NBAS: variants seen among roughly 807,000 people sequenced by gnomAD.
NBAS encodes NBAS subunit of NRZ tethering complex.
NBAS carries 219 observed loss-of-function variants against 302.5 expected under a neutral mutation model. That is an observed-to-expected ratio of 0.72 (90% confidence interval 0.65 to 0.81). The LOEUF (loss-of-function observed/expected upper bound fraction) is 0.81, where lower values mean the gene tolerates loss of function less well. Among genes scored for constraint, NBAS ranks in the 30% least tolerant of loss-of-function variants. The pLI, the probability that NBAS is intolerant of heterozygous loss-of-function variation, is 0.00. For synonymous variants in NBAS, 1,118 were observed against 1,021.6 expected, an observed-to-expected ratio of 1.09 and a Z score of -1.80; for missense variants, 2,932 against 2,841.6, an observed-to-expected ratio of 1.03 and a Z score of -0.72.
At chr2:15,117,129 C>G in the NBAS span, among the ~76,000 whole-genome samples, 1 of 152,132 alleles carries the variant, frequency 6.6e-6, no homozygotes. Flanking sequence ...GTCTGACATA[C>G]CTGGCAGAGG....
chr2:14,847,242 G>A, the NBAS span, among the ~76,000 whole-genome samples: 1 of 151,852 alleles, frequency 6.6e-6, no homozygotes, highest in Non-Finnish European at 1.5e-5. Flanking sequence ...AATTAGCCGG[G>A]TGTGGTGGCA....
In NBAS at chr2:15,292,701, C is replaced by T; in HGVS notation, c.4863G>A (p.Trp1621Ter). Residue 1621 changes from tryptophan (W) to a stop codon, truncating the protein, a stop_gained, in exon 41 of 52, where the codon TGG becomes TGA. Coordinates refer to ENST00000281513, the MANE Select transcript of NBAS (RefSeq NM_015909.4). LOFTEE classifies it high-confidence loss of function. Reference protein sequence around the residue: ...RHVTRHEHEAWPEDLISLTKQ... With the variant: ...RHVTRHEHEA ...TGGTCAGTGAAATAAGGTCTTCAGG[C>T]CAGGCTTCGTGCTCATGTCGAGTCA... is the stretch of plus-strand genomic sequence containing the variant. 1.2e-6 allele frequency: 2 copies of T among 1,614,162 alleles called. No individual in the cohort carries two copies. The highest frequency in any genetic ancestry group is 2.2e-5 in the South Asian group (2 of 91,064).
At chr2:14,907,981 A>ACCAGCAT in the NBAS span, among the ~76,000 whole-genome samples, 1 of 152,170 alleles carries the variant, frequency 6.6e-6, no homozygotes, top group East Asian at 1.9e-4. Context: ...AATCAGCATC[A>ACCAGCAT]CCAGCATCAC....
chr2:15,139,498 T>C, the NBAS span, among the ~76,000 whole-genome samples: 4 of 151,572 alleles, frequency 2.6e-5, no homozygotes, highest in African/African-American at 9.7e-5. Context: ...GGTTTTAGTG[T>C]ATGGTGTGTG....
chr2:15,434,156 C>G (rs1677896488), intron 21 of NBAS, among the ~76,000 whole-genome samples: 1 of 151,646 alleles, frequency 6.6e-6, no homozygotes, highest in Non-Finnish European at 1.5e-5. Context: ...AATAACTTCC[C>G]AAAAAAGTCA....
the NBAS span, among the ~76,000 whole-genome samples, chr2:15,016,475 C>T: frequency 1.3e-5 from 2 of 151,858 alleles, no homozygotes. Flanking sequence ...ATTGAAGAGA[C>T]TATAAAAGAA....
chr2:15,166,311 C>A (rs973463733), downstream of NBAS, among the ~76,000 whole-genome samples: 1 of 152,150 alleles, frequency 6.6e-6, no homozygotes, highest in Non-Finnish European at 1.5e-5. Flanking sequence ...TGCCTATGTA[C>A]GTTTATGGAC....
chr2:15,189,775 A>C (rs1572419580), intron 49 of NBAS, among the ~76,000 whole-genome samples: 1 of 152,176 alleles, frequency 6.6e-6, no homozygotes, highest in East Asian at 1.9e-4. Flanking sequence ...GTGAAGCCTG[A>C]AGTTGTTTAA....
At chr2:15,193,950 A>C (rs568645932) in intron 48 of NBAS, among the ~76,000 whole-genome samples, 1 of 152,150 alleles carries the variant, frequency 6.6e-6, no homozygotes, top group Non-Finnish European at 1.5e-5. Flanking sequence ...ACTAGCCTGG[A>C]GTTGCAAGCC....
chr2:15,401,942 G>T (rs1322264240), intron 26 of NBAS, among the ~76,000 whole-genome samples: 1 of 151,980 alleles, frequency 6.6e-6, no homozygotes, highest in Non-Finnish European at 1.5e-5. Flanking sequence ...ACAAAATTCA[G>T]AATTTAATTA....
chr2:15,293,603 C>T (rs565066320), intron 40 of NBAS, among the ~76,000 whole-genome samples: 120 of 151,954 alleles, frequency 7.9e-4, no homozygotes, highest in Non-Finnish European at 1.4e-3. Flanking sequence ...TTCAATCCAT[C>T]CCAATTCCTG....
At chr2:15,514,007 G>C (rs1041070491) in intron 9 of NBAS, among the ~76,000 whole-genome samples, 24 of 152,102 alleles carry the variant, frequency 1.6e-4, no homozygotes, top group African/African-American at 5.6e-4. Flanking sequence ...AGGCAGGGGA[G>C]AACACAGTCT....
At chr2:14,922,247 C>T in the NBAS span, among the ~76,000 whole-genome samples, 37 of 152,242 alleles carry the variant, frequency 2.4e-4, no homozygotes, top group African/African-American at 8.9e-4. Flanking sequence ...ACTGGCTTTC[C>T]CATCTGTAAG....
chr2:14,934,884 G>A, the NBAS span, among the ~76,000 whole-genome samples: 1 of 152,156 alleles, frequency 6.6e-6, no homozygotes, highest in Admixed American at 6.5e-5. Flanking sequence ...CAAAGCTGCT[G>A]ACAGAAACAA....
At chr2:15,186,653 C>T in intron 50 of NBAS, 89 bp downstream of exon 50, 1 of 1,587,154 alleles carries the variant, frequency 6.3e-7, no homozygotes, top group Non-Finnish European at 8.6e-7. Flanking sequence ...CTAAATGTTC[C>T]TCAAATCCAG....
chr2:15,208,912 A>G (rs1666274105), intron 48 of NBAS, among the ~76,000 whole-genome samples: 1 of 152,186 alleles, frequency 6.6e-6, no homozygotes, highest in African/African-American at 2.4e-5. Context: ...GAGCAAATCA[A>G]ATATAAAATT....
the NBAS span, among the ~76,000 whole-genome samples, chr2:15,011,551 G>A: frequency 6.6e-6 from 1 of 152,120 alleles, no homozygotes; most frequent in African/African-American, 2.4e-5. Flanking sequence ...TCCTGGGCCT[G>A]AGAACTAGCC....
the NBAS span, among the ~76,000 whole-genome samples, chr2:14,804,486 T>C: frequency 6.6e-6 from 1 of 152,190 alleles, no homozygotes; most frequent in African/African-American, 2.4e-5. Context: ...ATATAAAGTG[T>C]CTTCAAACAA....
chr2:14,808,731 A>G, the NBAS span, among the ~76,000 whole-genome samples: 5 of 152,254 alleles, frequency 3.3e-5, no homozygotes, highest in Admixed American at 3.3e-4. Context: ...TGCATAAGCA[A>G]CTTTGGAAAT....
Sources: gnomAD v4.1 joint callset for allele counts (sites outside exome capture counted in the v4.1 genomes callset) on GRCh38, gnomAD v4.1.1 for gene constraint, MANE v1.5 for transcripts, NCBI Gene and HGNC (gene_info 2026-07-23, HGNC 2026-07-21) for gene names.